Variants in IL6ST observed in about 807,000 individuals in gnomAD.
The protein encoded by IL6ST is interleukin 6 cytokine family signal transducer, also known as interleukin-6 receptor subunit beta.
Under a neutral mutation model 91.3 loss-of-function variants are expected in IL6ST, and 24 were observed. That is an observed-to-expected ratio of 0.26 (90% CI 0.19 to 0.37). IL6ST has a LOEUF of 0.37. Ranked by LOEUF, IL6ST falls within the 10% of genes least tolerant of loss-of-function variation. The pLI is 1.00. For synonymous variants in IL6ST, 351 were observed against 373.6 expected (o/e 0.94, Z 0.70); for missense variants, 914 against 1,078.5 (o/e 0.85, Z 2.14).
intron 3 of IL6ST, among the ~76,000 whole-genome samples, chr5:55,975,766 A>C (rs750255816): frequency 7.2e-5 from 11 of 152,168 alleles, no homozygotes; most frequent in Non-Finnish European, 1.5e-4. Context: ...GAATGATTAG[A>C]TATCTGGGTA....
Position 55,938,381 on chromosome 5 carries a change from T to C in IL6ST, c.*2701A>G, listed in dbSNP as rs1470299301. 2 of 190,616 alleles carry C rather than the reference T, an allele frequency of 1.0e-5. No homozygotes were observed. Among genetic ancestry groups the C allele is most frequent in the African/African-American group, 4.7e-5 (2 of 42,962 alleles). 11.8% of individuals were successfully genotyped at this position (190,616 alleles called of 1,614,324 possible). On this transcript the variant is annotated 3_prime_UTR_variant, in exon 17 of 17. Coordinates refer to ENST00000381298, the MANE Select transcript of IL6ST (RefSeq NM_002184.4). ...TGGTACAAAGTGTGAAGTTTTATAG[T>C]TTTCTAATAATTATTCAGTATTATC... is the stretch of plus-strand genomic sequence containing the variant.
At chr5:55,955,308 T>C (rs1751887113) in intron 10 of IL6ST, among the ~76,000 whole-genome samples, 1 of 152,062 alleles carries the variant, frequency 6.6e-6, no homozygotes, top group South Asian at 2.1e-4. Context: ...AAATACAAAA[T>C]TAGCCAGGCA....
In IL6ST at chr5:55,937,951, A is replaced by G. The variant is rs991356380; in HGVS notation, c.*3131T>C. The G allele has an allele frequency of 5.1e-6, 1 of 195,504 alleles. No individual in the cohort carries two copies. Among genetic ancestry groups the G allele is most frequent in the African/African-American group, 2.3e-5 (1 of 42,682 alleles). The allele number at this position is 195,504 out of a possible 1,614,324, so 12.1% of individuals were successfully genotyped here. ...GGTCAATATATGTTAGTAAACAGAA[A>G]TATTTTAGGGAATTCTATGATTATT... On this transcript the variant is annotated 3_prime_UTR_variant, in exon 17 of 17. Coordinates refer to ENST00000381298, the MANE Select transcript of IL6ST (RefSeq NM_002184.4).
rs777306092 is a variant in IL6ST at position 55,942,694 on chromosome 5, C to A, written c.1995G>T (p.Gln665His). 1.2e-6 allele frequency: 2 copies of A among 1,606,636 alleles called. No individual in the cohort carries two copies. Among genetic ancestry groups the A allele is most frequent in the Non-Finnish European group, 1.7e-6 (2 of 1,174,512 alleles). The change falls in exon 16 of 17, where the codon CAG (glutamine) becomes CAT (histidine). Residue 665 changes from glutamine to histidine, a missense_variant. Coordinates refer to ENST00000381298, the MANE Select transcript of IL6ST (RefSeq NM_002184.4). Reference sequence around the variant, plus strand: ...CCCTTGGAGGAGTGTGAGGTGACCACTGGGCAATATGACTCTTTGAAGGAT... The same window carrying A: ...CCCTTGGAGGAGTGTGAGGTGACCAATGGGCAATATGACTCTTTGAAGGAT... The part of the protein sequence containing the change: ...VPDPSKSHIA[Q>H]WSPHTPPRHN...
At chr5:55,946,851 T>C (rs1176232008) in intron 15 of IL6ST, among the ~76,000 whole-genome samples, 1 of 151,490 alleles carries the variant, frequency 6.6e-6, no homozygotes, top group African/African-American at 2.4e-5. Flanking sequence ...TGCAACATCA[T>C]GGATGAATCT....
intron 2 of IL6ST, among the ~76,000 whole-genome samples, chr5:55,978,795 T>C (rs773302776): frequency 9.9e-5 from 15 of 152,218 alleles, no homozygotes; most frequent in Non-Finnish European, 1.9e-4. Context: ...GTTAGACTCA[T>C]GGGTTTCCTA....
intron 1 of IL6ST, among the ~76,000 whole-genome samples, chr5:55,987,203 C>A (rs1754024186): frequency 6.6e-6 from 1 of 152,118 alleles, no homozygotes; most frequent in Non-Finnish European, 1.5e-5. Flanking sequence ...GCTTTTAATT[C>A]CTTTGTATAG....
chr5:55,985,183 T>C (rs148471444), intron 1 of IL6ST, among the ~76,000 whole-genome samples: 141 of 152,296 alleles, frequency 9.3e-4, no homozygotes, highest in African/African-American at 3.1e-3. Flanking sequence ...ATTCATCAAT[T>C]TGTGTTTTTG....
In IL6ST at chr5:55,938,882, G is replaced by T. The variant is rs757052509; in HGVS notation, c.*2200C>A. On this transcript the variant is annotated 3_prime_UTR_variant, in exon 17 of 17. Transcript: ENST00000381298. Reference sequence around the variant, plus strand: ...CATTTAATATGTATAAAGTGTTCTTGGGGATGGGGGTATATTCACTCACTG... The same window carrying T: ...CATTTAATATGTATAAAGTGTTCTTTGGGATGGGGGTATATTCACTCACTG... The T allele has an allele frequency of 2.5e-5, 5 of 202,918 alleles. No homozygotes were observed. Among genetic ancestry groups the T allele is most frequent in the Non-Finnish European group, 4.0e-5 (4 of 98,938 alleles). 12.6% of individuals were successfully genotyped at this position (202,918 alleles called of 1,614,324 possible).
In IL6ST at chr5:55,955,008, T is replaced by G; in HGVS notation, c.1268-16A>C. 1 of 1,501,640 alleles carries G rather than the reference T, an allele frequency of 6.7e-7. No homozygotes were observed. Among genetic ancestry groups the G allele is most frequent in the Non-Finnish European group, 9.1e-7 (1 of 1,099,982 alleles). 93.0% of individuals were successfully genotyped at this position (1,501,640 alleles called of 1,614,324 possible). On this transcript the variant is annotated splice_polypyrimidine_tract_variant and intron_variant, in intron 10 of 16. Coordinates refer to ENST00000381298, the MANE Select transcript of IL6ST (RefSeq NM_002184.4). ...GGGTGAGTAGCTTTAAAACAAAGTT[T>G]GAATATTGAAATAATAAATATTAAC...
intron 9 of IL6ST, among the ~76,000 whole-genome samples, chr5:55,956,734 A>AC (rs1752000555): frequency 6.6e-6 from 1 of 152,322 alleles, no homozygotes; most frequent in Non-Finnish European, 1.5e-5. Flanking sequence ...TATGAACCTG[A>AC]CTTCTATATA....
intron 15 of IL6ST, among the ~76,000 whole-genome samples, chr5:55,944,272 G>A (rs890906173): frequency 6.6e-6 from 1 of 152,056 alleles, no homozygotes; most frequent in African/African-American, 2.4e-5. Context: ...ATAAAGATTA[G>A]AACAACTATA....
At chr5:55,977,809 G>C (rs1440645062) in intron 2 of IL6ST, among the ~76,000 whole-genome samples, 1 of 151,676 alleles carries the variant, frequency 6.6e-6, no homozygotes, top group African/African-American at 2.4e-5. Context: ...ATGGGCAACA[G>C]AGCGAGACCC....
chr5:55,988,361 T>G (rs1056170677), intron 1 of IL6ST, among the ~76,000 whole-genome samples: 1 of 152,180 alleles, frequency 6.6e-6, no homozygotes, highest in Non-Finnish European at 1.5e-5. Flanking sequence ...GAGAATCACA[T>G]GACAAACTAT....
intron 1 of IL6ST, among the ~76,000 whole-genome samples, chr5:55,989,214 A>G (rs1754174883): frequency 6.6e-6 from 1 of 151,946 alleles, no homozygotes. Flanking sequence ...TTGGCAAATG[A>G]ATAGACAACT....
At chr5:55,967,049 C>T (rs949183265) in intron 5 of IL6ST, among the ~76,000 whole-genome samples, 2 of 151,494 alleles carry the variant, frequency 1.3e-5, no homozygotes, top group Non-Finnish European at 2.9e-5. Context: ...GCGGTGGCCA[C>T]GTCTATCATC....
rs963328813 is a variant in IL6ST at position 55,939,313 on chromosome 5, A to G, written c.*1769T>C. 4.9e-6 allele frequency: 1 copy of G among 205,100 alleles called. No individual in the cohort carries two copies. Among genetic ancestry groups the G allele is most frequent in the Non-Finnish European group, 1.0e-5 (1 of 100,238 alleles). 12.7% of individuals were successfully genotyped at this position (205,100 alleles called of 1,614,324 possible). ...TCATTCTATTAATCTACTTTTGCCT[A>G]AAGTGGGAAACTGAATATATCAGAA... is the stretch of plus-strand genomic sequence containing the variant. On this transcript the variant is annotated 3_prime_UTR_variant, in exon 17 of 17. Transcript: ENST00000381298.
chr5:55,980,652 C>A (rs1753605476), intron 2 of IL6ST, among the ~76,000 whole-genome samples: 1 of 152,120 alleles, frequency 6.6e-6, no homozygotes, highest in African/African-American at 2.4e-5. Context: ...CAGCATCACA[C>A]AATATACTCA....
chr5:55,976,381 C>T, intron 2 of IL6ST, 88 bp from the exon 3 acceptor site: 1 of 618,142 alleles, frequency 1.6e-6, no homozygotes, highest in South Asian at 3.8e-5. Context: ...CATGCTGTAG[C>T]TGTGTTTCTA....
Sources: allele counts gnomAD v4.1 joint callset (sites outside exome capture counted in the v4.1 genomes callset), GRCh38; gene constraint gnomAD v4.1.1; transcripts MANE v1.5; gene names NCBI Gene and HGNC (gene_info 2026-07-23, HGNC 2026-07-21).